CLCN1: variants seen among roughly 807,000 people sequenced by gnomAD.
The protein encoded by CLCN1 is chloride voltage-gated channel 1, also known as chloride channel protein 1.
Under a neutral mutation model 114.5 loss-of-function variants are expected in CLCN1, and 100 were observed. That is an observed-to-expected ratio of 0.87 (90% CI 0.74 to 1.03). CLCN1 has a LOEUF of 1.03. CLCN1 is among the 50% of genes least tolerant of loss of function. The probability of loss-of-function intolerance (pLI) is 0.00; values close to 1 mark genes in which losing one functional copy is unlikely to be tolerated. For synonymous variants in CLCN1, 485 were observed against 487.1 expected, an observed-to-expected ratio of 1.00 and a Z score of 0.06; for missense variants, 1,188 against 1,250.0, an observed-to-expected ratio of 0.95 and a Z score of 0.75.
At chr7:143,346,737 A>C in intron 19 of CLCN1, 79 bp downstream of exon 19, 1 of 1,306,582 alleles carries the variant, frequency 7.7e-7, no homozygotes, top group African/African-American at 1.5e-5. Context: ...TTCTTAAATC[A>C]GGAAGGCAGA....
intron 18 of CLCN1, 41 bp downstream of exon 18, chr7:143,346,292 G>A (rs1161425099): frequency 3.0e-6 from 4 of 1,321,900 alleles, no homozygotes; most frequent in Non-Finnish European, 4.4e-6. Context: ...ACCCCTTGTG[G>A]GTTCTCTCTG....
chr7:143,319,155 A>G (rs908528970), intron 1 of CLCN1, among the ~76,000 whole-genome samples: 3 of 152,130 alleles, frequency 2.0e-5, no homozygotes, highest in Admixed American at 2.0e-4. Flanking sequence ...TAGCTGTGGG[A>G]AGAAGTAGAT....
At chr7:143,347,821 G>A (rs545758911) in intron 20 of CLCN1, among the ~76,000 whole-genome samples, 1 of 152,086 alleles carries the variant, frequency 6.6e-6, no homozygotes, top group Admixed American at 6.5e-5. Context: ...TAAACGAGGT[G>A]GTTATCAAAT....
At chr7:143,326,083 C>T (rs1264308321) in intron 7 of CLCN1, among the ~76,000 whole-genome samples, 1 of 152,080 alleles carries the variant, frequency 6.6e-6, no homozygotes, top group African/African-American at 2.4e-5. Flanking sequence ...GTGGCACCAT[C>T]TTGGCTCACT....
chr7:143,323,299 C>G lies in CLCN1; in HGVS notation c.697-10C>G, dbSNP rs747946866. ...CTCTGACCCCCGCCCCCTCGCTCCC[C>G]CTCTCCCAGGGCCCCTTCGTCCACA... On this transcript the variant is annotated splice_polypyrimidine_tract_variant and intron_variant, in intron 5 of 22. Coordinates refer to ENST00000343257, the MANE Select transcript of CLCN1 (RefSeq NM_000083.3). The G allele has an allele frequency of 6.3e-7, 1 of 1,594,742 alleles. No individual in the cohort carries two copies. Among genetic ancestry groups the G allele is most frequent in the South Asian group, 1.1e-5 (1 of 90,716 alleles).
At chr7:143,330,123 T>A (rs1046859080) in intron 7 of CLCN1, among the ~76,000 whole-genome samples, 4 of 152,222 alleles carry the variant, frequency 2.6e-5, no homozygotes, top group African/African-American at 9.6e-5. Context: ...CCCCTTGCGT[T>A]GGTCCTTTTA....
Position 143,316,393 on chromosome 7 carries a change from G to A in CLCN1, c.180+1G>A, listed in dbSNP as rs1383704463. Reference sequence around the variant, plus strand: ...CCGCCACAACGTCCACCCCACACAGGTAAAGTGCTCTAAGGGGAGAGGGGA... The same window carrying A: ...CCGCCACAACGTCCACCCCACACAGATAAAGTGCTCTAAGGGGAGAGGGGA... On this transcript the variant is annotated splice_donor_variant, in intron 1 of 22. Transcript: ENST00000343257. LOFTEE classifies it high-confidence loss of function. 1.2e-6 allele frequency: 2 copies of A among 1,612,490 alleles called. No individual in the cohort carries two copies. The highest frequency in any genetic ancestry group is 8.5e-7 in the Non-Finnish European group (1 of 1,179,928).
At chr7:143,335,866 T>C (rs1802870277) in intron 12 of CLCN1, among the ~76,000 whole-genome samples, 1 of 152,124 alleles carries the variant, frequency 6.6e-6, no homozygotes, top group African/African-American at 2.4e-5. Flanking sequence ...TTCACCTTGT[T>C]AGCCAGGATG....
rs1586483178 is a variant in CLCN1 at position 143,319,855 on chromosome 7, A to T, written c.281A>T (p.Asp94Val). 5 of 1,613,926 alleles carry T rather than the reference A, an allele frequency of 3.1e-6. No homozygotes were observed. Among genetic ancestry groups the T allele is most frequent in the Non-Finnish European group, 4.2e-6 (5 of 1,179,806 alleles). Reference protein sequence around the residue: ...SSSTVDSKDEDHYSKCQDCIH... With the variant: ...SSSTVDSKDEVHYSKCQDCIH... ...TCTACCGTGGACAGCAAGGATGAGG[A>T]TCACTATTCTAAATGTCAAGGTGAT... The change falls in exon 2 of 23, where the codon GAT (aspartate) becomes GTT (valine). Residue 94 changes from aspartate to valine, a missense_variant. Transcript: ENST00000343257.
chr7:143,340,039 G>A lies in CLCN1; in HGVS notation c.1582+418G>A, dbSNP rs1007015036. Among the ~76,000 whole-genome samples the A allele has an allele frequency of 1.4e-3, 215 of 152,206 alleles. 4 individuals are homozygous for A. Among genetic ancestry groups the A allele is most frequent in the Admixed American group, 0.014 (209 of 15,280 alleles). On this transcript the variant is annotated intron_variant, in intron 14 of 22. Transcript: ENST00000343257. ...CTAAGAGCTAAGAAACATGGCTCTA[G>A]ACTTCTCCTGCCACTTGTTACCAGT...
chr7:143,330,871 T>G lies in CLCN1; in HGVS notation c.953T>G (p.Val318Gly), dbSNP rs781728156. Residue 318 changes from valine to glycine, a missense_variant, in exon 8 of 23, where the codon GTG becomes GGG. Physicochemically the swap from Val to Gly is moderately radical, Grantham distance 109. Transcript: ENST00000343257. Reference sequence around the variant, plus strand: ...ACGTTCAGCGCCTTTGTGTTTCGAGTGCTGGCAGTGTGGAACAAGGATGCT... The same window carrying G: ...ACGTTCAGCGCCTTTGTGTTTCGAGGGCTGGCAGTGTGGAACAAGGATGCT... ...AATFSAFVFR[V>G]LAVWNKDAVT... 2 of 1,614,086 alleles carry G rather than the reference T, an allele frequency of 1.2e-6. No homozygotes were observed. Among genetic ancestry groups the G allele is most frequent in the South Asian group, 2.2e-5 (2 of 91,080 alleles).
intron 2 of CLCN1, 109 bp from the exon 3 acceptor site, chr7:143,320,554 TC>T: frequency 2.8e-5 from 4 of 143,528 alleles, no homozygotes; most frequent in Middle Eastern, 2.8e-3. Context: ...TAGCTGCTTT[TC>T]TCTCTCTCTC....
chr7:143,333,300 CA>C (rs56344035), intron 12 of CLCN1, among the ~76,000 whole-genome samples: 61,802 of 138,694 alleles, frequency 0.45, 12,808 homozygotes, highest in East Asian at 0.61. Context: ...GATTCTGTCT[CA>C]AAAAAAAAAA....
At chr7:143,329,500 C>T (rs1056428901) in intron 7 of CLCN1, among the ~76,000 whole-genome samples, 7 of 152,154 alleles carry the variant, frequency 4.6e-5, no homozygotes, top group African/African-American at 1.7e-4. Context: ...CATTAGGCCA[C>T]CCTCCCCCTG....
chr7:143,351,718 G>T lies in CLCN1; in HGVS notation c.2720G>T (p.Trp907Leu). Reference sequence around the variant, plus strand: ...GCACCTCCATCTTCTGCAGAGAACTGGAACCTGCCTGAGGACAGGCCTGGG... The same window carrying T: ...GCACCTCCATCTTCTGCAGAGAACTTGAACCTGCCTGAGGACAGGCCTGGG... ...TGAPPSSAENWNLPEDRPGAT... is the reference protein window; with the variant it reads ...TGAPPSSAENLNLPEDRPGAT... Residue 907 changes from tryptophan to leucine, a missense_variant, in exon 23 of 23, where the codon TGG (tryptophan) becomes TTG (leucine). Coordinates refer to ENST00000343257, the MANE Select transcript of CLCN1 (RefSeq NM_000083.3). 10 of 1,614,182 alleles carry T rather than the reference G, an allele frequency of 6.2e-6. No individual in the cohort carries two copies. Among genetic ancestry groups the T allele is most frequent in the Non-Finnish European group, 8.5e-6 (10 of 1,180,034 alleles).
chr7:143,349,240 A>G (rs1563089446), intron 20 of CLCN1, among the ~76,000 whole-genome samples: 1 of 152,232 alleles, frequency 6.6e-6, no homozygotes, highest in African/African-American at 2.4e-5. Flanking sequence ...CTAAGTGGTC[A>G]TCCATCCTAT....
At chr7:143,347,620 CA>C (rs57147641) in intron 20 of CLCN1, among the ~76,000 whole-genome samples, 11,059 of 94,598 alleles carry the variant, frequency 0.12, 311 homozygotes, top group Middle Eastern at 0.2. Context: ...GACTTTGCCT[CA>C]AAAAAAAAAA....
At chr7:143,338,372 G>A (rs1485283486) in intron 12 of CLCN1, among the ~76,000 whole-genome samples, 3 of 152,142 alleles carry the variant, frequency 2.0e-5, no homozygotes. Flanking sequence ...GGCTCAGGCA[G>A]GTAAGTCTTC....
rs868831424 is a variant in CLCN1, at chr7:143,316,340, A to G, written c.128A>G (p.Gln43Arg). 2 of 1,612,730 alleles carry G rather than the reference A, an allele frequency of 1.2e-6. No individual in the cohort carries two copies. The highest frequency in any genetic ancestry group is 1.7e-6 in the Non-Finnish European group (2 of 1,180,004). ...YGLPSENGGL[Q>R]HRLRKDAGPR... is the part of the protein sequence containing the mutation. ...CTGCCCTCTGAGAATGGGGGCCTCC[A>G]GCACAGGCTCCGGAAGGATGCAGGC... is the stretch of plus-strand genomic sequence containing the variant. The change falls in exon 1 of 23, where the codon CAG becomes CGG. Residue 43 changes from glutamine (Q) to arginine (R), a missense_variant. Gln to Arg is a conservative substitution (Grantham distance 43). Coordinates refer to ENST00000343257, the MANE Select transcript of CLCN1 (RefSeq NM_000083.3).
Sources: allele counts gnomAD v4.1 joint callset (sites outside exome capture counted in the v4.1 genomes callset), GRCh38; gene constraint gnomAD v4.1.1; transcripts MANE v1.5; gene names NCBI Gene and HGNC (gene_info 2026-07-23, HGNC 2026-07-21).